IPO9: variants seen among roughly 807,000 people sequenced by gnomAD.
IPO9 encodes the protein importin-9.
A neutral mutation model predicts 128.6 loss-of-function variants in IPO9; 28 were observed. That is an observed-to-expected ratio of 0.22 (90% CI 0.16 to 0.30). The LOEUF is 0.30. Ranked by LOEUF, IPO9 falls within the 10% of genes least tolerant of loss-of-function variation. The pLI is 1.00. For missense variants in IPO9, 935 were observed against 1,293.9 expected (o/e 0.72, Z 4.26); for synonymous variants, 455 against 475.8 (o/e 0.96, Z 0.57).
In IPO9 at chr1:201,855,769, T is replaced by C. The variant is rs1680318198; in HGVS notation, c.971-14T>C. On this transcript the variant is annotated splice_polypyrimidine_tract_variant and intron_variant, in intron 9 of 23. Coordinates refer to ENST00000361565, the MANE Select transcript of IPO9 (RefSeq NM_018085.5). ...TTCTTGTCATTAATTTCTTCTCTTCTGTATTTCCTGCAGGTGAAGTCCTGG... is the reference window on the plus strand; with the variant it reads ...TTCTTGTCATTAATTTCTTCTCTTCCGTATTTCCTGCAGGTGAAGTCCTGG... 3.1e-6 allele frequency: 5 copies of C among 1,604,172 alleles called. No individual in the cohort carries two copies. Among genetic ancestry groups the C allele is most frequent in the Non-Finnish European group, 3.4e-6 (4 of 1,177,662 alleles).
At chr1:201,832,768 A>C (rs750873869) in intron 1 of IPO9, among the ~76,000 whole-genome samples, 1 of 152,180 alleles carries the variant, frequency 6.6e-6, no homozygotes, top group Non-Finnish European at 1.5e-5. Context: ...CTGATCCCAC[A>C]TGGTCTTTAA....
chr1:201,874,536 T>G (rs1680722401), intron 21 of IPO9, among the ~76,000 whole-genome samples, 164 bp downstream of exon 21: 1 of 152,210 alleles, frequency 6.6e-6, no homozygotes, highest in African/African-American at 2.4e-5. Flanking sequence ...GTAGAGCTGC[T>G]TCTCCAGTCT....
intron 13 of IPO9, among the ~76,000 whole-genome samples, chr1:201,860,858 C>A (rs1259025476): frequency 6.6e-6 from 1 of 152,196 alleles, no homozygotes; most frequent in Admixed American, 6.5e-5. Flanking sequence ...GAAAACTCCA[C>A]TGTATACTTG....
chr1:201,852,341 A>T, intron 5 of IPO9, 149 bp downstream of exon 5: 2 of 547,676 alleles, frequency 3.7e-6, no homozygotes, highest in South Asian at 5.2e-5. Flanking sequence ...CATTAACCTT[A>T]GACCTTTCAC....
chr1:201,852,254 A>G (rs1432595700), intron 5 of IPO9, 62 bp downstream of exon 5: 1 of 1,048,264 alleles, frequency 9.5e-7, no homozygotes, highest in Non-Finnish European at 1.5e-6. Context: ...CCAGCCTTTC[A>G]GGTGGGAGAT....
intron 19 of IPO9, among the ~76,000 whole-genome samples, 195 bp from the exon 20 acceptor site, chr1:201,872,633 A>C (rs1057465561): frequency 1.4e-4 from 20 of 148,072 alleles, no homozygotes; most frequent in Admixed American, 7.4e-4. Context: ...ACAACAACAA[A>C]AAAGCACAGA....
At chr1:201,866,476 G>GT (rs1197179629) in intron 14 of IPO9, among the ~76,000 whole-genome samples, 1 of 24,192 alleles carries the variant, frequency 4.1e-5, no homozygotes, top group Non-Finnish European at 1.1e-4. Flanking sequence ...GTTTCAGGAT[G>GT]CAAAAAAAAA....
At chr1:201,832,225 A>T (rs1050049350) in intron 1 of IPO9, among the ~76,000 whole-genome samples, 3 of 150,678 alleles carry the variant, frequency 2.0e-5, no homozygotes, top group Middle Eastern at 3.2e-3. Flanking sequence ...ACCCTGGTAG[A>T]AGGAACCTTG....
In IPO9 at chr1:201,847,657, T is replaced by A; in HGVS notation, c.312+19T>A. The A allele has an allele frequency of 6.5e-7, 1 of 1,546,578 alleles. No individual in the cohort carries two copies. Among genetic ancestry groups the A allele is most frequent in the South Asian group, 1.1e-5 (1 of 89,766 alleles). ...AGAAAGGGTAAGTCAGTTACTTGAT[T>A]AGTCTACCTGAGGAGATTTGAGGGT... On this transcript the variant is annotated intron_variant, in intron 3 of 23. Coordinates refer to ENST00000361565, the MANE Select transcript of IPO9 (RefSeq NM_018085.5).
Position 201,870,801 on chromosome 1 carries a change from G to C in IPO9, c.2352G>C (p.Gln784His). ...AGRELGENLD[Q>H]ILRAILSKMQ... ...GGGAACTCGGGGAGAATCTAGACCA[G>C]ATTCTTCGTGCCATCCTCAGTAAGA... is the stretch of plus-strand genomic sequence containing the variant. The change falls in exon 18 of 24, where the codon CAG becomes CAC. Residue 784 changes from glutamine (Q) to histidine (H), a missense_variant. By Grantham distance (24) the Gln-to-His change is conservative (BLOSUM62 0). Around this residue, in one of 3 missense-constraint regions of IPO9, gnomAD observed 741 missense variants for 1,019.1 expected, o/e 0.73. Transcript: ENST00000361565. This position sits in a 1 kb window ranked among gnomAD's most constrained non-coding sequence, Gnocchi z 4.9. 1 of 1,614,200 alleles carries C rather than the reference G, an allele frequency of 6.2e-7. No individual in the cohort carries two copies. The highest frequency in any genetic ancestry group is 1.1e-5 in the South Asian group (1 of 91,084).
chr1:201,865,199 C>CTTT (rs201084995), intron 14 of IPO9, among the ~76,000 whole-genome samples: 45 of 132,846 alleles, frequency 3.4e-4, no homozygotes, highest in South Asian at 4.7e-4. Context: ...AACTATTTTT[C>CTTT]TTTTTTTTTT....
At chr1:201,830,285 A>G (rs1415108226) in intron 1 of IPO9, among the ~76,000 whole-genome samples, 3 of 152,252 alleles carry the variant, frequency 2.0e-5, no homozygotes, top group African/African-American at 7.2e-5. Flanking sequence ...GAATATTTCC[A>G]CCACCACTTA....
chr1:201,867,744 T>C (rs1019008813), intron 15 of IPO9, among the ~76,000 whole-genome samples: 1 of 152,102 alleles, frequency 6.6e-6, no homozygotes, highest in African/African-American at 2.4e-5. Context: ...TAGTAAAATA[T>C]TAAGGATTCT....
In IPO9 at chr1:201,854,720, CACTT is replaced by C. The variant is rs752548355; in HGVS notation, c.810+10_810+13del. The C allele has an allele frequency of 3.5e-5, 56 of 1,612,342 alleles. No homozygotes were observed. In the South Asian group the frequency reaches 5.0e-4, roughly 14 times the overall value. On this transcript the variant is annotated splice_region_variant and intron_variant, in intron 7 of 23. Transcript: ENST00000361565. ...TTAAGATGGAGGTCCTAAAGGTAAA[CACTT>C]ACTACCAATGAAATATTTGGAGTTT...
At chr1:201,874,492 C>A in intron 21 of IPO9, 120 bp downstream of exon 21, 3 of 1,146,790 alleles carry the variant, frequency 2.6e-6, no homozygotes, top group Non-Finnish European at 3.7e-6. Context: ...GGAATGGCTG[C>A]TCTGTGGCTG....
chr1:201,847,197 T>C, intron 1 of IPO9, 82 bp from the exon 2 acceptor site: 1 of 945,620 alleles, frequency 1.1e-6, no homozygotes, highest in Non-Finnish European at 1.7e-6. Flanking sequence ...TTCTGGAATC[T>C]TGTTGGCATC....
intron 4 of IPO9, among the ~76,000 whole-genome samples, chr1:201,849,233 A>G (rs1680174108): frequency 6.6e-6 from 1 of 152,156 alleles, no homozygotes; most frequent in Non-Finnish European, 1.5e-5. Flanking sequence ...AAAATACTTC[A>G]ACTTTTAGTT....
chr1:201,845,737 G>A (rs1423234805), intron 1 of IPO9, among the ~76,000 whole-genome samples: 1 of 152,020 alleles, frequency 6.6e-6, no homozygotes, highest in Non-Finnish European at 1.5e-5. Flanking sequence ...TTGAAATCTA[G>A]TGAGTATTAC....
At chr1:201,836,462 T>C (rs926434700) in intron 1 of IPO9, among the ~76,000 whole-genome samples, 1 of 152,212 alleles carries the variant, frequency 6.6e-6, no homozygotes, top group African/African-American at 2.4e-5. Flanking sequence ...CATAGCTCAC[T>C]GCAGCCTCAA....
Sources: gnomAD v4.1 joint callset for allele counts (sites outside exome capture counted in the v4.1 genomes callset) on GRCh38, gnomAD v4.1.1 for gene constraint, gnomAD v4.1.1 regional missense constraint, Gnocchi (gnomAD v3.1) non-coding constraint, MANE v1.5 for transcripts, NCBI Gene and HGNC (gene_info 2026-07-23, HGNC 2026-07-21) for gene names.